The following TCF20 variants were observed in gnomAD, a reference collection of about 807,000 sequenced individuals.
TCF20 encodes the protein SPRE-binding protein.
Under a neutral mutation model 148.6 loss-of-function variants are expected in TCF20, and 3 were observed. The ratio of observed to expected loss-of-function variants is 0.02; its 90% CI spans 0.01 to 0.05. TCF20 has a LOEUF of 0.05. Among genes scored for constraint, TCF20 ranks in the 10% least tolerant of loss-of-function variants. The pLI is 1.00. For missense variants in TCF20, 2,350 were observed against 2,429.3 expected, an observed-to-expected ratio of 0.97 and a Z score of 0.69; for synonymous variants, 1,049 against 909.5, an observed-to-expected ratio of 1.15 and a Z score of -2.76.
chr22:42,211,311 G>A lies in TCF20; in HGVS notation c.3995C>T (p.Thr1332Ile), dbSNP rs1920955579. 1 of 1,614,092 alleles carries A rather than the reference G, an allele frequency of 6.2e-7. No individual in the cohort carries two copies. The highest frequency in any genetic ancestry group is 1.3e-5 in the African/African-American group (1 of 74,948). Residue 1332 changes from threonine to isoleucine, a missense_variant, in exon 2 of 6, where the codon ACC (threonine) becomes ATC (isoleucine). Physicochemically the swap from Thr to Ile is moderately conservative, Grantham distance 89. Transcript: ENST00000677622. The part of the protein sequence containing the change: ...SPDSRNCPAV[T>I]LTSPAKTKIL... ...TTTGGTCTTAGCAGGGCTTGTGAGGGTAACAGCAGGGCAGTTTCTACTATC... is the reference window on the plus strand; with the variant it reads ...TTTGGTCTTAGCAGGGCTTGTGAGGATAACAGCAGGGCAGTTTCTACTATC...
At position 42,321,853 on chromosome 22, in the gene TCF20, A is replaced by G. The variant is rs1210960035; in HGVS notation, c.-37+21626T>C. Among the ~76,000 whole-genome samples, 2 of 151,672 alleles carry G rather than the reference A, an allele frequency of 1.3e-5. 1 individual carries two copies. The highest frequency in any genetic ancestry group is 3.0e-5 in the Non-Finnish European group (2 of 67,762). ...TCCCAGCTACTCGGGAGGCTGAGGC[A>G]CAAGAATCGCTTGAACCCAGGAGGC... On this transcript the variant is annotated intron_variant, in intron 1 of 1. Transcript: ENST00000515426.
Position 42,290,005 on chromosome 22 carries a change from C to T in TCF20, c.-37+53474G>A, listed in dbSNP as rs1392887185. Among the ~76,000 whole-genome samples, 2 of 152,266 alleles carry T rather than the reference C, an allele frequency of 1.3e-5. No individual in the cohort carries two copies. Among genetic ancestry groups the T allele is most frequent in the Non-Finnish European group, 2.9e-5 (2 of 68,048 alleles). On this transcript the variant is annotated intron_variant, in intron 1 of 1. Transcript: ENST00000515426. This position sits in a 1 kb window ranked among gnomAD's most constrained non-coding sequence, Gnocchi z 4.2. ...GCCGTAATATTCTCCTCGGCGTGTGCAGGCGGCCGGGGCGATGTTCCAGGA... is the reference window on the plus strand; with the variant it reads ...GCCGTAATATTCTCCTCGGCGTGTGTAGGCGGCCGGGGCGATGTTCCAGGA...
At chr22:42,238,003 C>T (rs1924032857) in intron 1 of TCF20, among the ~76,000 whole-genome samples, 1 of 152,208 alleles carries the variant, frequency 6.6e-6, no homozygotes, top group African/African-American at 2.4e-5. Flanking sequence ...TCACCAGCTA[C>T]ACCAGCTCCT....
intron 5 of TCF20, among the ~76,000 whole-genome samples, chr22:42,163,531 A>G (rs568316351): frequency 6.6e-6 from 1 of 152,342 alleles, no homozygotes; most frequent in East Asian, 1.9e-4. Flanking sequence ...AGCTTTACAG[A>G]TATTATATCA....
At chr22:42,192,538 A>G (rs993305990) in intron 2 of TCF20, among the ~76,000 whole-genome samples, 23 of 152,210 alleles carry the variant, frequency 1.5e-4, no homozygotes, top group Admixed American at 1.1e-3. Context: ...GCAGCCTGAC[A>G]GGACAGACAC....
rs373983328 is a variant in TCF20 at position 42,237,790 on chromosome 22, GAAGT to G, written c.-36-22453_-36-22450del. 1.1e-3 allele frequency among the ~76,000 whole-genome samples: 173 copies of G among 152,332 alleles called. 2 individuals carry two copies. The Middle Eastern group carries it at 0.014, about 12-fold the overall frequency. ...CTTAGGTGACCAGGTATACTGTCAA[GAAGT>G]AATATTCTGAAAGAAATCTTTTGAG... On this transcript the variant is annotated intron_variant, in intron 1 of 5. Coordinates refer to ENST00000677622, the MANE Select transcript of TCF20 (RefSeq NM_001378418.1).
rs763374542 is a variant in TCF20 at position 42,168,660 on chromosome 22, C to G, written c.5876G>C (p.Arg1959Pro). The change falls in exon 5 of 6, where the codon CGG (arginine) becomes CCG (proline). Residue 1959 changes from arginine to proline, a missense_variant. Around this residue, in one of 7 missense-constraint regions of TCF20, gnomAD observed 67 missense variants for 60.8 expected, o/e 1.10. Coordinates refer to ENST00000677622, the MANE Select transcript of TCF20 (RefSeq NM_001378418.1). ...ACGAGCACACTGCCCCCCTCACCCC[C>G]GCTCCGACTGCTCTGTGCTGAGGCT... ...KGSLSTEQSE[R>P]G 1.2e-6 allele frequency: 2 copies of G among 1,604,306 alleles called. No homozygotes were observed. Among genetic ancestry groups the G allele is most frequent in the Non-Finnish European group, 1.7e-6 (2 of 1,175,626 alleles).
Position 42,211,012 on chromosome 22 carries a change from T to A in TCF20, c.4294A>T (p.Arg1432Trp), listed in dbSNP as rs779029341. ...QELHVEKPLPRSSEEWRGSVD... is the reference protein window; with the variant it reads ...QELHVEKPLPWSSEEWRGSVD... Reference sequence around the variant, plus strand: ...CTGCCACGCCACTCTTCTGAAGACCTTGGAAGAGGTTTCTCTACGTGCAAC... The same window carrying A: ...CTGCCACGCCACTCTTCTGAAGACCATGGAAGAGGTTTCTCTACGTGCAAC... The change falls in exon 2 of 6, where the codon AGG becomes TGG. Residue 1432 changes from arginine to tryptophan, a missense_variant. By Grantham distance (101) the Arg-to-Trp change is moderately radical (BLOSUM62 -3). Coordinates refer to ENST00000677622, the MANE Select transcript of TCF20 (RefSeq NM_001378418.1). 5 of 1,614,026 alleles carry A rather than the reference T, an allele frequency of 3.1e-6. No individual in the cohort carries two copies. Among genetic ancestry groups the A allele is most frequent in the Non-Finnish European group, 4.2e-6 (5 of 1,180,032 alleles).
intron 1 of TCF20, among the ~76,000 whole-genome samples, chr22:42,222,575 C>G (rs999326389): frequency 4.6e-5 from 7 of 152,244 alleles, no homozygotes; most frequent in Admixed American, 3.9e-4. Flanking sequence ...TGCTCAGCCC[C>G]CTTTGTGCCA....
At chr22:42,295,856 C>G (rs1389890240) in intron 1 of TCF20, among the ~76,000 whole-genome samples, 1 of 152,208 alleles carries the variant, frequency 6.6e-6, no homozygotes, top group Non-Finnish European at 1.5e-5. Context: ...TCCTGTGCAG[C>G]CTTCAGCCCC....
chr22:42,266,783 C>A (rs1005068037), intron 1 of TCF20, among the ~76,000 whole-genome samples: 1 of 151,932 alleles, frequency 6.6e-6, no homozygotes, highest in Non-Finnish European at 1.5e-5. Flanking sequence ...CGTCTCAAAA[C>A]AAACAAACAA....
At chr22:42,182,721 T>C (rs1051047303) in intron 2 of TCF20, among the ~76,000 whole-genome samples, 1 of 152,208 alleles carries the variant, frequency 6.6e-6, no homozygotes, top group Non-Finnish European at 1.5e-5. Flanking sequence ...CAGGGACTTG[T>C]CAGAAATGCA....
rs1277359981 is a variant in TCF20, at chr22:42,338,372, C to T, written c.-37+5107G>A. ...GGCAGGCAGCAGATCTGCATTTTCA[C>T]GGAGGCCTCAGGGGGACACAAAGCT... On this transcript the variant is annotated intron_variant, in intron 1 of 1. Transcript: ENST00000515426. This position sits in a 1 kb window ranked among gnomAD's most constrained non-coding sequence, Gnocchi z 4.0. Among the ~76,000 whole-genome samples, 2 of 152,174 alleles carry T rather than the reference C, an allele frequency of 1.3e-5. No homozygotes were observed. The highest frequency in any genetic ancestry group is 6.5e-5 in the Admixed American group (1 of 15,280).
chr22:42,173,328 G>C (rs891193535), intron 3 of TCF20, among the ~76,000 whole-genome samples: 1 of 151,470 alleles, frequency 6.6e-6, no homozygotes, highest in Non-Finnish European at 1.5e-5. Context: ...GACATAACAA[G>C]CAACACAAAA....
At position 42,264,194 on chromosome 22, in the gene TCF20, C is replaced by A. The variant is rs184803523; in HGVS notation, c.-37+6145G>T. Among the ~76,000 whole-genome samples the A allele has an allele frequency of 6.0e-4, 90 of 150,852 alleles. 1 individual carries two copies. Among genetic ancestry groups the A allele is most frequent in the Admixed American group, 5.8e-3 (88 of 15,104 alleles). On this transcript the variant is annotated intron_variant, in intron 1 of 5. Transcript: ENST00000677622. Reference sequence around the variant, plus strand: ...ATCCTTGCTTTCCTTGACATCCCCACCCCCCTACCCAAACAGAAGATCCCC... The same window carrying A: ...ATCCTTGCTTTCCTTGACATCCCCAACCCCCTACCCAAACAGAAGATCCCC...
chr22:42,168,810 G>A, intron 4 of TCF20, 74 bp from the exon 5 acceptor site: 1 of 1,477,892 alleles, frequency 6.8e-7, no homozygotes, highest in East Asian at 2.5e-5. Flanking sequence ...GGCAAAGGGA[G>A]GACAGGAGTG....
At position 42,179,991 on chromosome 22, in the gene TCF20, C is replaced by T. The variant is rs1422479185; in HGVS notation, c.5656-289G>A. Among the ~76,000 whole-genome samples the T allele has an allele frequency of 2.0e-5, 3 of 152,254 alleles. No homozygotes were observed. The East Asian group carries it at 5.8e-4, about 29-fold the overall frequency. On this transcript the variant is annotated intron_variant, in intron 2 of 5. Coordinates refer to ENST00000677622, the MANE Select transcript of TCF20 (RefSeq NM_001378418.1). The stretch of plus-strand genomic sequence containing the variant: ...AAAGGACATGCCAGAGTGGGGTCCC[C>T]AGCCCTGCCTCTGGTACCCCCGCCA...
intron 2 of TCF20, among the ~76,000 whole-genome samples, chr22:42,188,145 T>C: frequency 6.6e-6 from 1 of 151,476 alleles, no homozygotes; most frequent in East Asian, 1.9e-4. Flanking sequence ...AATACAAAAA[T>C]TAGCTGGGTG....
In TCF20 at chr22:42,206,153, T is replaced by C. The variant is rs568222483; in HGVS notation, c.5655+3498A>G. ...GATTACTGATTATCAATTATTGCTATAGAACACCTAAAAGTTTACACAAAA... is the reference window on the plus strand; with the variant it reads ...GATTACTGATTATCAATTATTGCTACAGAACACCTAAAAGTTTACACAAAA... On this transcript the variant is annotated intron_variant, in intron 2 of 5. Coordinates refer to ENST00000677622, the MANE Select transcript of TCF20 (RefSeq NM_001378418.1). 7.9e-5 allele frequency among the ~76,000 whole-genome samples: 12 copies of C among 152,324 alleles called. No individual in the cohort carries two copies. The South Asian group carries it at 2.1e-3, about 26-fold the overall frequency.
Sources: gnomAD v4.1 joint callset for allele counts (sites outside exome capture counted in the v4.1 genomes callset) on GRCh38, gnomAD v4.1.1 for gene constraint, gnomAD v4.1.1 regional missense constraint, Gnocchi (gnomAD v3.1) non-coding constraint, MANE v1.5 for transcripts, NCBI Gene and HGNC (gene_info 2026-07-23, HGNC 2026-07-21) for gene names.